The following FNDC3B variants were observed in gnomAD, a reference collection of about 807,000 sequenced individuals.
The protein encoded by FNDC3B is fibronectin type III domain-containing protein 3B.
Under a neutral mutation model 151.5 loss-of-function variants are expected in FNDC3B, and 12 were observed. That is an observed-to-expected ratio of 0.08 (90% CI 0.05 to 0.13). The LOEUF (loss-of-function observed/expected upper bound fraction) is 0.13. Among genes scored for constraint, FNDC3B ranks in the 10% least tolerant of loss-of-function variants. FNDC3B has a pLI of 1.00. For missense variants in FNDC3B, 1,214 were observed against 1,505.3 expected, an observed-to-expected ratio of 0.81 and a Z score of 3.20; for synonymous variants, 528 against 549.0, an observed-to-expected ratio of 0.96 and a Z score of 0.54.
At chr3:172,366,365 G>A (rs1734619189) in intron 23 of FNDC3B, among the ~76,000 whole-genome samples, 1 of 152,108 alleles carries the variant, frequency 6.6e-6, no homozygotes, top group African/African-American at 2.4e-5. Flanking sequence ...TTTATTGCAT[G>A]CCTACAGGAG....
Position 172,335,051 on chromosome 3 carries a change from A to G in FNDC3B, c.1749A>G (p.Pro583=), listed in dbSNP as rs769537260. ...CTACCAGACCGCTTGTCAAAGGCCC[A>G]GTTACATCTCATGGCTTTAGTGTCA... ...GPPTRPLVKG[P]VTSHGFSVKW... Residue 583 remains proline (P), a synonymous_variant, in exon 15 of 26, where the codon CCA becomes CCG. Coordinates refer to ENST00000415807, the MANE Select transcript of FNDC3B (RefSeq NM_022763.4). 1.9e-6 allele frequency: 3 copies of G among 1,611,966 alleles called. No individual in the cohort carries two copies. The highest frequency in any genetic ancestry group is 2.2e-5 in the South Asian group (2 of 90,932).
chr3:172,380,944 G>A (rs1560108471), intron 24 of FNDC3B, 22 bp from the exon 25 acceptor site: 3 of 1,611,248 alleles, frequency 1.9e-6, no homozygotes, highest in Non-Finnish European at 2.5e-6. Flanking sequence ...TTTGAGCTTG[G>A]ATGTGTGGAT....
chr3:172,202,273 G>A lies in FNDC3B; in HGVS notation c.188-24598G>A, dbSNP rs559121488. ...GGCTAAGCATTCCCTGCAAAAAGGCGTCTTTCCTTTATTCATTGAAAAACA... is the reference window on the plus strand; with the variant it reads ...GGCTAAGCATTCCCTGCAAAAAGGCATCTTTCCTTTATTCATTGAAAAACA... On this transcript the variant is annotated intron_variant, in intron 3 of 25. Transcript: ENST00000415807. Among the ~76,000 whole-genome samples the A allele has an allele frequency of 7.2e-5, 11 of 152,244 alleles. No homozygotes were observed. The South Asian group carries it at 1.4e-3, about 20-fold the overall frequency.
intron 3 of FNDC3B, among the ~76,000 whole-genome samples, chr3:172,191,652 A>G (rs113988833): frequency 6.6e-6 from 1 of 152,032 alleles, no homozygotes; most frequent in South Asian, 2.1e-4. Flanking sequence ...GCATGCCACC[A>G]TGCCTGGCTA....
chr3:172,233,065 C>G (rs1726969289), intron 4 of FNDC3B, among the ~76,000 whole-genome samples: 1 of 152,126 alleles, frequency 6.6e-6, no homozygotes, highest in Admixed American at 6.5e-5. Context: ...GTTTTTTAAC[C>G]TCACCATTAA....
At chr3:172,069,493 T>C (rs994616407) in intron 1 of FNDC3B, among the ~76,000 whole-genome samples, 5 of 152,222 alleles carry the variant, frequency 3.3e-5, no homozygotes, top group African/African-American at 1.2e-4. Flanking sequence ...TAATTTTAAG[T>C]TCTGGGATAC....
chr3:172,306,847 C>G (rs886332784), intron 9 of FNDC3B: 1 of 152,686 alleles, frequency 6.5e-6, no homozygotes, highest in Non-Finnish European at 1.5e-5. Context: ...TTGTTAGCTT[C>G]TCTGTGAAAC....
intron 3 of FNDC3B, among the ~76,000 whole-genome samples, chr3:172,197,521 A>T (rs145238677): frequency 6.6e-6 from 1 of 152,184 alleles, no homozygotes; most frequent in Non-Finnish European, 1.5e-5. Flanking sequence ...CTCAGACCCC[A>T]TTGAGGTTTC....
chr3:172,180,130 T>C (rs967284104), intron 3 of FNDC3B, among the ~76,000 whole-genome samples: 7 of 152,282 alleles, frequency 4.6e-5, no homozygotes, highest in Middle Eastern at 3.4e-3. Context: ...GCAAAGCAAG[T>C]GTATTTTCTG....
chr3:172,251,230 G>A lies in FNDC3B; in HGVS notation c.509-30G>A, dbSNP rs377623538. 16 of 1,538,858 alleles carry A rather than the reference G, an allele frequency of 1.0e-5. No individual in the cohort carries two copies. In the African/African-American group the frequency reaches 2.1e-4, roughly 20 times the overall value. ...ATTTATTATTGAAAATGTAAACTGAGTTTGGGTTTATCATAATCATCCATT... is the reference window on the plus strand; with the variant it reads ...ATTTATTATTGAAAATGTAAACTGAATTTGGGTTTATCATAATCATCCATT... On this transcript the variant is annotated intron_variant, in intron 5 of 25. Transcript: ENST00000415807.
rs576845103 is a variant in FNDC3B, at chr3:172,123,265, C to T, written c.112-10206C>T. Among the ~76,000 whole-genome samples, 13 of 152,262 alleles carry T rather than the reference C, an allele frequency of 8.5e-5. No individual in the cohort carries two copies. In the South Asian group the frequency reaches 2.3e-3, roughly 27 times the overall value. Reference sequence around the variant, plus strand: ...TGTTGCCCAAGCTGGTCTCAAACTCCTGGTTTCAAGCCATCGTCCTGCCTA... The same window carrying T: ...TGTTGCCCAAGCTGGTCTCAAACTCTTGGTTTCAAGCCATCGTCCTGCCTA... On this transcript the variant is annotated intron_variant, in intron 2 of 25. Transcript: ENST00000415807.
chr3:172,089,661 CT>C (rs1324883256), intron 1 of FNDC3B, among the ~76,000 whole-genome samples: 3 of 152,038 alleles, frequency 2.0e-5, no homozygotes, highest in African/African-American at 7.2e-5. Context: ...TGACAGAAGA[CT>C]CTTGGAACAT....
intron 3 of FNDC3B, among the ~76,000 whole-genome samples, chr3:172,203,967 A>T (rs1725299241): frequency 6.6e-6 from 1 of 152,178 alleles, no homozygotes. Flanking sequence ...GCTTGTCCCA[A>T]AGTGGTGTTG....
intron 11 of FNDC3B, among the ~76,000 whole-genome samples, chr3:172,327,486 C>CGTCTCCCA (rs995085424): frequency 3.9e-5 from 6 of 152,284 alleles, no homozygotes; most frequent in Admixed American, 3.9e-4. Context: ...CTGCGAGCTC[C>CGTCTCCCA]GTCTCCCAGG....
chr3:172,352,905 G>C lies in FNDC3B; in HGVS notation c.2617G>C (p.Glu873Gln). ...CTCCACTCTCTGTGTCCTGGAGGAG[G>C]AGCCCCTTGATGCCTACCCTGATTC... Reference protein sequence around the residue: ...PVSTLCVLEEEPLDAYPDSPS... With the variant: ...PVSTLCVLEEQPLDAYPDSPS... The change falls in exon 22 of 26, where the codon GAG (glutamate) becomes CAG (glutamine). Residue 873 changes from glutamate (E) to glutamine (Q), a missense_variant. Transcript: ENST00000415807. The surrounding 1 kb of genome is among the most constrained non-coding windows in gnomAD (Gnocchi z 4.2). The C allele has an allele frequency of 6.2e-7, 1 of 1,614,152 alleles. No individual in the cohort carries two copies. Among genetic ancestry groups the C allele is most frequent in the Non-Finnish European group, 8.5e-7 (1 of 1,180,012 alleles).
intron 3 of FNDC3B, among the ~76,000 whole-genome samples, chr3:172,142,737 A>C (rs1047972315): frequency 6.6e-6 from 1 of 152,224 alleles, no homozygotes; most frequent in African/African-American, 2.4e-5. Flanking sequence ...ACTGAAGGAA[A>C]GTCATTTCCT....
chr3:172,375,852 CT>C (rs1735107343), intron 23 of FNDC3B, among the ~76,000 whole-genome samples: 1 of 152,184 alleles, frequency 6.6e-6, no homozygotes, highest in Admixed American at 6.5e-5. Context: ...CCAAGTTCCT[CT>C]CCATGGGGAA....
chr3:172,207,095 G>A (rs368064533), intron 3 of FNDC3B, among the ~76,000 whole-genome samples: 2 of 151,640 alleles, frequency 1.3e-5, no homozygotes, highest in African/African-American at 4.8e-5. Context: ...CAGAGAATTG[G>A]TAGTCCCAAC....
At chr3:172,061,687 C>T (rs1481048345) in intron 1 of FNDC3B, among the ~76,000 whole-genome samples, 1 of 152,182 alleles carries the variant, frequency 6.6e-6, no homozygotes, top group African/African-American at 2.4e-5. Context: ...TAGTGATATT[C>T]TATATTTTCC....
Sources: allele counts gnomAD v4.1 joint callset (sites outside exome capture counted in the v4.1 genomes callset), GRCh38; gene constraint gnomAD v4.1.1; non-coding constraint Gnocchi (gnomAD v3.1); transcripts MANE v1.5; gene names NCBI Gene and HGNC (gene_info 2026-07-23, HGNC 2026-07-21).